The following WAC variants were observed in gnomAD, a reference collection of about 807,000 sequenced individuals.
WAC encodes WW domain containing adaptor with coiled-coil.
Under a neutral mutation model 79.6 loss-of-function variants are expected in WAC, and 11 were observed. That is an observed-to-expected ratio of 0.14 (90% CI 0.09 to 0.23). WAC has a LOEUF of 0.23. Ranked by LOEUF, WAC falls within the 10% of genes least tolerant of loss-of-function variation. The probability of loss-of-function intolerance (pLI) is 1.00; values close to 1 mark genes in which losing one functional copy is unlikely to be tolerated. For synonymous variants in WAC, 304 were observed against 276.9 expected, an observed-to-expected ratio of 1.10 and a Z score of -0.97; for missense variants, 728 against 773.5, an observed-to-expected ratio of 0.94 and a Z score of 0.70.
chr10:28,610,912 A>AT lies in WAC; in HGVS notation c.1288+102dup, dbSNP rs11371837. 0.45 allele frequency: 499,210 copies of AT among 1,104,490 alleles called. 61,628 individuals carry two copies. The highest frequency in any genetic ancestry group is 0.56 in the African/African-American group (33,716 of 59,690). 68.4% of individuals were successfully genotyped at this position (1,104,490 alleles called of 1,614,324 possible). On this transcript the variant is annotated intron_variant, in intron 9 of 13. Transcript: ENST00000354911. ...TTTTTTGTATTTAGTTTTTTCTTTC[A>AT]TTTTTTTTTTTAGTTTTTTAAGAGA...
chr10:28,602,734 T>C (rs774945754), intron 7 of WAC, among the ~76,000 whole-genome samples: 7 of 152,216 alleles, frequency 4.6e-5, no homozygotes, highest in Non-Finnish European at 7.3e-5. Context: ...TTTACAGTAG[T>C]TTGCAAGGGT....
At chr10:28,542,900 T>A (rs1423009738) in intron 3 of WAC, among the ~76,000 whole-genome samples, 1 of 152,264 alleles carries the variant, frequency 6.6e-6, no homozygotes, top group Non-Finnish European at 1.5e-5. Context: ...TTTGTTTGCT[T>A]GCCTTTTGTG....
chr10:28,571,331 T>C (rs1364176035), intron 3 of WAC, among the ~76,000 whole-genome samples: 1 of 152,202 alleles, frequency 6.6e-6, no homozygotes, highest in African/African-American at 2.4e-5. Context: ...TTTGAGAATT[T>C]GTTATTCAGA....
intron 3 of WAC, among the ~76,000 whole-genome samples, chr10:28,536,711 T>C (rs1173642109): frequency 1.3e-5 from 2 of 152,238 alleles, no homozygotes; most frequent in Non-Finnish European, 2.9e-5. Flanking sequence ...AGTCTGAGAA[T>C]AAGTAAACAA....
At chr10:28,556,617 A>C (rs1838012100) in intron 3 of WAC, among the ~76,000 whole-genome samples, 2 of 151,766 alleles carry the variant, frequency 1.3e-5, no homozygotes, top group Non-Finnish European at 2.9e-5. Context: ...TGTAGTATTC[A>C]AAAAATTATT....
intron 7 of WAC, among the ~76,000 whole-genome samples, chr10:28,603,987 A>ATG (rs202234326): frequency 2.1e-4 from 7 of 33,862 alleles, no homozygotes; most frequent in South Asian, 1.1e-3. Context: ...ATATATATAT[A>ATG]TGTATATATA....
At chr10:28,608,481 T>A in intron 8 of WAC, 50 bp downstream of exon 8, 1 of 1,485,096 alleles carries the variant, frequency 6.7e-7, no homozygotes, top group South Asian at 1.3e-5. Flanking sequence ...TGTGCAAAGT[T>A]ATGTAAGTAG....
rs149988187 is a variant in WAC at position 28,537,901 on chromosome 10, G to T, written c.274+2144G>T. Among the ~76,000 whole-genome samples the T allele has an allele frequency of 1.7e-3, 255 of 152,130 alleles. 8 individuals are homozygous for T. The South Asian group carries it at 0.05, about 30-fold the overall frequency. ...TTTGCAAGAAACTTGATGTTTTTCTGATCTAATCACTTGCTAAGTTAGGCC... is the reference window on the plus strand; with the variant it reads ...TTTGCAAGAAACTTGATGTTTTTCTTATCTAATCACTTGCTAAGTTAGGCC... On this transcript the variant is annotated intron_variant, in intron 3 of 13. Coordinates refer to ENST00000354911, the MANE Select transcript of WAC (RefSeq NM_016628.5).
chr10:28,562,986 T>C (rs1459945627), intron 3 of WAC, among the ~76,000 whole-genome samples: 1 of 152,232 alleles, frequency 6.6e-6, no homozygotes, highest in Non-Finnish European at 1.5e-5. Flanking sequence ...AAAAATTTTA[T>C]TTTCTTTTGT....
chr10:28,598,050 G>A (rs558160306), intron 7 of WAC, among the ~76,000 whole-genome samples: 78 of 152,230 alleles, frequency 5.1e-4, no homozygotes, highest in African/African-American at 1.8e-3. Flanking sequence ...TTACAGGTGC[G>A]AGCCACCGTA....
intron 3 of WAC, among the ~76,000 whole-genome samples, chr10:28,540,669 G>A (rs551397037): frequency 1.3e-5 from 2 of 152,270 alleles, no homozygotes; most frequent in South Asian, 2.1e-4. Context: ...TTAATAATAC[G>A]TTTGACTGAT....
chr10:28,570,946 CTTTTTTTTTT>C (rs139500035), intron 3 of WAC, among the ~76,000 whole-genome samples: 843 of 64,556 alleles, frequency 0.013, 6 homozygotes, highest in African/African-American at 0.041. Context: ...TAAAGATATA[CTTTTTTTTTT>C]TTTTTTTTTT....
chr10:28,538,655 T>G (rs1406462573), intron 3 of WAC, among the ~76,000 whole-genome samples: 2 of 149,328 alleles, frequency 1.3e-5, no homozygotes, highest in African/African-American at 2.5e-5. Flanking sequence ...CTTGGGAGGT[T>G]GAGATGGGAA....
chr10:28,583,306 A>T, intron 3 of WAC, 93 bp from the exon 4 acceptor site: 1 of 883,280 alleles, frequency 1.1e-6, no homozygotes, highest in South Asian at 2.1e-5. Context: ...TCGTTTAGAG[A>T]TATAAAATAA....
intron 3 of WAC, among the ~76,000 whole-genome samples, chr10:28,569,126 T>A (rs1170066290): frequency 6.6e-6 from 1 of 152,234 alleles, no homozygotes; most frequent in African/African-American, 2.4e-5. Flanking sequence ...GGTTACAATA[T>A]GTACATATAG....
chr10:28,586,028 G>A (rs1839804448), intron 4 of WAC, among the ~76,000 whole-genome samples: 1 of 152,060 alleles, frequency 6.6e-6, no homozygotes, highest in Non-Finnish European at 1.5e-5. Flanking sequence ...TCCGCGTTCT[G>A]GTTTCTCTAG....
rs1836406269 is a variant in WAC at position 28,533,637 on chromosome 10, T to C, written c.41+17T>C. ...CAGTGATGGGTAAATTGTCTTTTCG[T>C]TTCGGGCCGGGCGGCGGCGGGGGGC... On this transcript the variant is annotated intron_variant, in intron 1 of 13. Transcript: ENST00000354911. The C allele has an allele frequency of 6.3e-7, 1 of 1,594,784 alleles. No homozygotes were observed. The highest frequency in any genetic ancestry group is 8.5e-7 in the Non-Finnish European group (1 of 1,171,464).
intron 10 of WAC, among the ~76,000 whole-genome samples, chr10:28,612,844 A>G (rs1216868853): frequency 6.6e-6 from 1 of 152,214 alleles, no homozygotes; most frequent in Admixed American, 6.5e-5. Context: ...AAGAATTAAA[A>G]TGTGAGTTTT....
intron 3 of WAC, among the ~76,000 whole-genome samples, chr10:28,572,188 T>G (rs1408269461): frequency 2.0e-5 from 3 of 151,822 alleles, no homozygotes; most frequent in Non-Finnish European, 4.4e-5. Context: ...AGTACAAAAA[T>G]TAGCCGGGCT....
Sources: allele counts gnomAD v4.1 joint callset (sites outside exome capture counted in the v4.1 genomes callset), GRCh38; gene constraint gnomAD v4.1.1; transcripts MANE v1.5; gene names NCBI Gene and HGNC (gene_info 2026-07-23, HGNC 2026-07-21).